The following GOLGA4 variants were observed in gnomAD, a reference collection of about 807,000 sequenced individuals.
GOLGA4 encodes the protein golgin A4.
In GOLGA4, 169 loss-of-function variants were observed where a neutral mutation model predicts 265.9. The observed-to-expected ratio is 0.64, with a 90% CI of 0.56 to 0.72. The LOEUF (loss-of-function observed/expected upper bound fraction) is 0.72, where lower values mean the gene tolerates loss of function less well. GOLGA4 is among the 30% of genes least tolerant of loss of function. The probability of loss-of-function intolerance (pLI) is 0.00; values close to 1 mark genes in which losing one functional copy is unlikely to be tolerated. For synonymous variants in GOLGA4, 923 were observed against 855.8 expected, an observed-to-expected ratio of 1.08 and a Z score of -1.37; for missense variants, 2,482 against 2,483.4, an observed-to-expected ratio of 1.00 and a Z score of 0.01.
chr3:37,307,234 T>C (rs1014222638), intron 10 of GOLGA4, among the ~76,000 whole-genome samples: 3 of 152,236 alleles, frequency 2.0e-5, no homozygotes, highest in Admixed American at 2.0e-4. Context: ...TGTCATGTTG[T>C]GTTTGTGCAG....
intron 21 of GOLGA4, among the ~76,000 whole-genome samples, chr3:37,348,163 C>T (rs1331026260): frequency 6.6e-6 from 1 of 151,422 alleles, no homozygotes; most frequent in Non-Finnish European, 1.5e-5. Flanking sequence ...ACTGATTTGG[C>T]AAATATATTT....
At chr3:37,246,980 C>G (rs772227057) in intron 1 of GOLGA4, among the ~76,000 whole-genome samples, 6 of 152,116 alleles carry the variant, frequency 3.9e-5, no homozygotes, top group Non-Finnish European at 7.4e-5. Flanking sequence ...AGAGTCCTTT[C>G]TGAAGGGACA....
In GOLGA4 at chr3:37,326,244, T is replaced by A; in HGVS notation, c.4358T>A (p.Phe1453Tyr). The change falls in exon 14 of 24, where the codon TTT becomes TAT. Residue 1453 changes from phenylalanine (F) to tyrosine (Y), a missense_variant. Phe to Tyr is a conservative substitution (Grantham distance 22). This residue lies in a region of GOLGA4 where 942 missense variants were observed against 983.1 expected (regional missense o/e 0.96). Coordinates refer to ENST00000361924, the MANE Select transcript of GOLGA4 (RefSeq NM_002078.5). ...SEWKKKAQSR[F>Y]TQHQNTVKEL... is the part of the protein sequence containing the mutation. ...TGGAAGAAGAAAGCACAGTCAAGATTTACACAGCATCAAAACACTGTTAAA... is the reference window on the plus strand; with the variant it reads ...TGGAAGAAGAAAGCACAGTCAAGATATACACAGCATCAAAACACTGTTAAA... The A allele has an allele frequency of 1.2e-6, 2 of 1,613,778 alleles. No individual in the cohort carries two copies. Among genetic ancestry groups the A allele is most frequent in the Non-Finnish European group, 1.7e-6 (2 of 1,179,760 alleles).
chr3:37,266,025 CA>C (rs745369147), intron 2 of GOLGA4, among the ~76,000 whole-genome samples: 6,260 of 97,042 alleles, frequency 0.065, 118 homozygotes, highest in African/African-American at 0.099. Context: ...GACCTTGTCT[CA>C]AAAAAAAAAA....
chr3:37,326,486 A>G lies in GOLGA4; in HGVS notation c.4600A>G (p.Ile1534Val). 3 of 1,608,900 alleles carry G rather than the reference A, an allele frequency of 1.9e-6. No homozygotes were observed. Among genetic ancestry groups the G allele is most frequent in the Non-Finnish European group, 1.7e-6 (2 of 1,177,862 alleles). Reference protein sequence around the residue: ...TARIMELEDHITQKTIEIESL... With the variant: ...TARIMELEDHVTQKTIEIESL... ...AAGAATTATGGAATTAGAGGACCAT[A>G]TTACCCAGAAAACTATTGAAATAGA... Residue 1534 changes from isoleucine (I) to valine (V), a missense_variant, in exon 14 of 24, where the codon ATT becomes GTT. Coordinates refer to ENST00000361924, the MANE Select transcript of GOLGA4 (RefSeq NM_002078.5).
intron 20 of GOLGA4, among the ~76,000 whole-genome samples, chr3:37,345,203 G>A (rs563954557): frequency 3.3e-5 from 5 of 152,180 alleles, no homozygotes; most frequent in Non-Finnish European, 7.3e-5. Context: ...GTGAGACCCT[G>A]TCTCAAAATA....
chr3:37,273,005 T>C (rs1673151933), intron 2 of GOLGA4, among the ~76,000 whole-genome samples: 1 of 152,214 alleles, frequency 6.6e-6, no homozygotes, highest in African/African-American at 2.4e-5. Context: ...CTTTCGCGTG[T>C]GGAAGAAGAG....
At chr3:37,358,059 AC>A (rs1401762263) in intron 22 of GOLGA4, among the ~76,000 whole-genome samples, 3 of 152,172 alleles carry the variant, frequency 2.0e-5, no homozygotes, top group Non-Finnish European at 2.9e-5. Flanking sequence ...ACCAAAACAA[AC>A]CTAAAACATT....
intron 9 of GOLGA4, among the ~76,000 whole-genome samples, chr3:37,300,610 A>C (rs1174438643): frequency 6.6e-6 from 1 of 152,126 alleles, no homozygotes; most frequent in Non-Finnish European, 1.5e-5. Flanking sequence ...ATCTTGTTTC[A>C]TCTGTACCTT....
At chr3:37,284,006 T>C (rs1559380591) in intron 3 of GOLGA4, among the ~76,000 whole-genome samples, 2 of 152,184 alleles carry the variant, frequency 1.3e-5, no homozygotes, top group Non-Finnish European at 1.5e-5. Context: ...TTTAGGTCTT[T>C]CTGGTTGTTT....
At chr3:37,271,074 T>C (rs2096797392) in intron 2 of GOLGA4, among the ~76,000 whole-genome samples, 1 of 152,052 alleles carries the variant, frequency 6.6e-6, no homozygotes, top group African/African-American at 2.4e-5. Flanking sequence ...ATATCTAATG[T>C]CACCACTGAT....
chr3:37,348,423 A>G (rs945827989), intron 21 of GOLGA4, among the ~76,000 whole-genome samples: 2 of 151,936 alleles, frequency 1.3e-5, no homozygotes, highest in African/African-American at 2.4e-5. Flanking sequence ...CCTCAATGCC[A>G]TTTTTCAAAA....
chr3:37,276,068 T>G (rs1454707414), intron 2 of GOLGA4: 5 of 1,612,374 alleles, frequency 3.1e-6, no homozygotes, highest in Non-Finnish European at 3.4e-6. Context: ...TCGAGATACT[T>G]ATGTTTCATC....
intron 10 of GOLGA4, among the ~76,000 whole-genome samples, chr3:37,313,755 AC>A (rs1236913745): frequency 6.6e-6 from 1 of 152,174 alleles, no homozygotes; most frequent in Non-Finnish European, 1.5e-5. Context: ...ATCCTCCTTG[AC>A]TTATGATGGG....
chr3:37,276,553 A>G, intron 2 of GOLGA4: 1 of 1,598,280 alleles, frequency 6.3e-7, no homozygotes, highest in East Asian at 2.2e-5. Flanking sequence ...CAGTGACAAC[A>G]TTTGTTGTCT....
At chr3:37,319,596 T>G in intron 12 of GOLGA4, 1 of 152,660 alleles carries the variant, frequency 6.6e-6, no homozygotes, top group East Asian at 1.9e-4. Context: ...TTTTGTATTT[T>G]TAGTAGAGAT....
At chr3:37,337,031 T>G in intron 17 of GOLGA4, 112 bp from the exon 18 acceptor site, 1 of 709,566 alleles carries the variant, frequency 1.4e-6, no homozygotes, top group South Asian at 1.6e-5. Flanking sequence ...ACCACTCCCT[T>G]GAGACTCTTA....
chr3:37,329,832 C>T (rs1161021898), intron 16 of GOLGA4, among the ~76,000 whole-genome samples: 1 of 152,154 alleles, frequency 6.6e-6, no homozygotes, highest in Non-Finnish European at 1.5e-5. Flanking sequence ...GGTTGGGTTA[C>T]AGATTCTGTA....
At chr3:37,335,979 T>G (rs187468897) in intron 17 of GOLGA4, among the ~76,000 whole-genome samples, 1 of 152,282 alleles carries the variant, frequency 6.6e-6, no homozygotes, top group African/African-American at 2.4e-5. Context: ...GGGTGGTCAC[T>G]ATGACTTTAT....
Sources: gnomAD v4.1 joint callset for allele counts (sites outside exome capture counted in the v4.1 genomes callset) on GRCh38, gnomAD v4.1.1 for gene constraint, gnomAD v4.1.1 regional missense constraint, MANE v1.5 for transcripts, NCBI Gene and HGNC (gene_info 2026-07-23, HGNC 2026-07-21) for gene names.